The following MBOAT1 variants were observed in gnomAD, a reference collection of about 807,000 sequenced individuals.
MBOAT1 encodes membrane bound glycerophospholipid O-acyltransferase 1, also known as membrane-bound glycerophospholipid O-acyltransferase 1.
A neutral mutation model predicts 64.4 loss-of-function variants in MBOAT1; 67 were observed. The observed-to-expected ratio is 1.04, with a 90% confidence interval of 0.85 to 1.27. The LOEUF is 1.27. Among genes scored for constraint, MBOAT1 ranks in the 50% most tolerant of loss-of-function variants. MBOAT1 has a pLI of 0.00. For missense variants in MBOAT1, 563 were observed against 604.6 expected, an observed-to-expected ratio of 0.93 and a Z score of 0.72; for synonymous variants, 229 against 218.9, an observed-to-expected ratio of 1.05 and a Z score of -0.41.
chr6:20,124,532 G>A lies in MBOAT1; in HGVS notation c.783C>T (p.Thr261=). ...CATCCACAAGGCAGGTGACAGGAAAGGTCTTCGTTAGCGTCAAAAACAAAA... is the reference window on the plus strand; with the variant it reads ...CATCCACAAGGCAGGTGACAGGAAAAGTCTTCGTTAGCGTCAAAAACAAAA... The part of the protein sequence containing the change: ...SLLLFLTLTK[T]FPVTCLVDDW... Residue 261 remains threonine (T), a synonymous_variant, in exon 8 of 13, where the codon ACC becomes ACT. Coordinates refer to ENST00000324607, the MANE Select transcript of MBOAT1 (RefSeq NM_001080480.3). 1.2e-6 allele frequency: 2 copies of A among 1,614,218 alleles called. No homozygotes were observed. Among genetic ancestry groups the A allele is most frequent in the South Asian group, 2.2e-5 (2 of 91,080 alleles).
intron 1 of MBOAT1, among the ~76,000 whole-genome samples, chr6:20,175,453 A>ATTTATTT (rs1361703897): frequency 2.0e-5 from 3 of 150,664 alleles, no homozygotes; most frequent in African/African-American, 4.9e-5. Context: ...TTATTTATTT[A>ATTTATTT]TTTATTTTTT....
chr6:20,211,304 G>A (rs1425787039), intron 1 of MBOAT1, among the ~76,000 whole-genome samples: 4 of 152,124 alleles, frequency 2.6e-5, no homozygotes, highest in Non-Finnish European at 1.5e-5. Context: ...AGCGCAGTGG[G>A]TCCTCCCCCA....
Position 20,180,072 on chromosome 6 carries a change from A to G in MBOAT1, c.100-27303T>C, listed in dbSNP as rs752098141. Among the ~76,000 whole-genome samples, 4 of 152,286 alleles carry G rather than the reference A, an allele frequency of 2.6e-5. No homozygotes were observed. In the South Asian group the frequency reaches 8.3e-4, roughly 32 times the overall value. On this transcript the variant is annotated intron_variant, in intron 1 of 12. Coordinates refer to ENST00000324607, the MANE Select transcript of MBOAT1 (RefSeq NM_001080480.3). ...CCGGGGGTTGGATTAAAGAAATAAAACAATAGTAATTTCCCCACAAGAACC... is the reference window on the plus strand; with the variant it reads ...CCGGGGGTTGGATTAAAGAAATAAAGCAATAGTAATTTCCCCACAAGAACC...
intron 12 of MBOAT1, among the ~76,000 whole-genome samples, chr6:20,106,229 T>C (rs907531114): frequency 2.6e-5 from 4 of 152,214 alleles, no homozygotes; most frequent in Non-Finnish European, 5.9e-5. Flanking sequence ...ATGAAAACAC[T>C]GTTTGAGGTG....
rs538006163 is a variant in MBOAT1 at position 20,187,254 on chromosome 6, G to C, written c.99+24882C>G. 4.6e-4 allele frequency among the ~76,000 whole-genome samples: 70 copies of C among 152,322 alleles called. No individual in the cohort carries two copies. The Middle Eastern group carries it at 0.01, about 22-fold the overall frequency. ...CCATCTTGGAAAGAGCAGGGACTTTGGTGCCAATCAGTTTTGCCTTGGGCA... is the reference window on the plus strand; with the variant it reads ...CCATCTTGGAAAGAGCAGGGACTTTCGTGCCAATCAGTTTTGCCTTGGGCA... On this transcript the variant is annotated intron_variant, in intron 1 of 12. Transcript: ENST00000324607.
In MBOAT1 at chr6:20,174,494, G is replaced by A. The variant is rs539734904; in HGVS notation, c.100-21725C>T. ...TAATACAGCAGAAAAAATGTATAATGGTACACCTGTCCAGGGCATTTACCA... is the reference window on the plus strand; with the variant it reads ...TAATACAGCAGAAAAAATGTATAATAGTACACCTGTCCAGGGCATTTACCA... On this transcript the variant is annotated intron_variant, in intron 1 of 12. Coordinates refer to ENST00000324607, the MANE Select transcript of MBOAT1 (RefSeq NM_001080480.3). Among the ~76,000 whole-genome samples, 8 of 152,250 alleles carry A rather than the reference G, an allele frequency of 5.3e-5. No homozygotes were observed. In the South Asian group the frequency reaches 8.3e-4, roughly 16 times the overall value.
chr6:20,109,901 A>AGTTT (rs756853889), intron 11 of MBOAT1, 152 bp from the exon 12 acceptor site: 1 of 296,680 alleles, frequency 3.4e-6, no homozygotes. Context: ...TACCATCAGG[A>AGTTT]CTTTTTTTTT....
At chr6:20,152,866 T>C in intron 1 of MBOAT1, 97 bp from the exon 2 acceptor site, 7 of 1,372,112 alleles carry the variant, frequency 5.1e-6, no homozygotes, top group Non-Finnish European at 6.9e-6. Context: ...GGAGTCTCGT[T>C]CTGTCGCCCA....
intron 8 of MBOAT1, among the ~76,000 whole-genome samples, chr6:20,124,046 G>C (rs911089598): frequency 1.3e-5 from 2 of 152,044 alleles, no homozygotes; most frequent in East Asian, 1.9e-4. Flanking sequence ...GACAGAGTGA[G>C]ACTCCATGTC....
intron 3 of MBOAT1, among the ~76,000 whole-genome samples, chr6:20,145,919 C>T (rs1761312661): frequency 6.6e-6 from 1 of 152,210 alleles, no homozygotes; most frequent in Non-Finnish European, 1.5e-5. Flanking sequence ...ATCCCCAGCA[C>T]AATTCATTGC....
chr6:20,148,726 A>T (rs985485348), intron 3 of MBOAT1, among the ~76,000 whole-genome samples: 3 of 152,108 alleles, frequency 2.0e-5, no homozygotes, highest in Non-Finnish European at 2.9e-5. Flanking sequence ...TTGAGATTTT[A>T]AAAAAATTTA....
intron 1 of MBOAT1, among the ~76,000 whole-genome samples, chr6:20,209,448 TG>T (rs143792361): frequency 0.015 from 2,346 of 152,232 alleles, 67 homozygotes; most frequent in African/African-American, 0.053. Flanking sequence ...AAGAATCAGA[TG>T]AAAAAGAATG....
intron 8 of MBOAT1, among the ~76,000 whole-genome samples, chr6:20,124,056 C>CA (rs976194520): frequency 4.5e-4 from 68 of 150,448 alleles, no homozygotes; most frequent in Non-Finnish European, 7.3e-4. Context: ...GACTCCATGT[C>CA]AAAAAAAAAG....
intron 11 of MBOAT1, among the ~76,000 whole-genome samples, chr6:20,110,283 G>A (rs1477281847): frequency 6.7e-6 from 1 of 149,170 alleles, no homozygotes; most frequent in Non-Finnish European, 1.5e-5. Flanking sequence ...TGCAATCATA[G>A]CTCACTGCAG....
At chr6:20,182,824 C>T (rs914222752) in intron 1 of MBOAT1, among the ~76,000 whole-genome samples, 3 of 152,200 alleles carry the variant, frequency 2.0e-5, no homozygotes, top group African/African-American at 7.2e-5. Context: ...AAGTTGATAT[C>T]TGGAACTCTG....
At chr6:20,164,098 T>C (rs1011981850) in intron 1 of MBOAT1, among the ~76,000 whole-genome samples, 11 of 151,598 alleles carry the variant, frequency 7.3e-5, no homozygotes, top group African/African-American at 2.2e-4. Flanking sequence ...TATACTTATG[T>C]TTACTATATA....
At chr6:20,131,045 A>C in intron 5 of MBOAT1, 99 bp downstream of exon 5, 1 of 1,036,040 alleles carries the variant, frequency 9.7e-7, no homozygotes, top group East Asian at 2.4e-5. Context: ...AAGATCTGCC[A>C]GCATTTGTCT....
intron 4 of MBOAT1, among the ~76,000 whole-genome samples, chr6:20,132,933 C>T (rs1303693692): frequency 6.6e-6 from 1 of 152,210 alleles, no homozygotes; most frequent in Non-Finnish European, 1.5e-5. Context: ...CTCTGTGAGT[C>T]TATTTTCTTG....
In MBOAT1 at chr6:20,115,276, T is replaced by C; in HGVS notation, c.1076+12A>G. 6.2e-7 allele frequency: 1 copy of C among 1,609,868 alleles called. No homozygotes were observed. Among genetic ancestry groups the C allele is most frequent in the Non-Finnish European group, 8.5e-7 (1 of 1,176,070 alleles). On this transcript the variant is annotated intron_variant, in intron 10 of 12. Coordinates refer to ENST00000324607, the MANE Select transcript of MBOAT1 (RefSeq NM_001080480.3). ...GTGCCCTAAGTAATGAGGTCGTTTTTGTTTTTCTTACCACTTTAGCCAAGT... is the reference window on the plus strand; with the variant it reads ...GTGCCCTAAGTAATGAGGTCGTTTTCGTTTTTCTTACCACTTTAGCCAAGT...
Sources: gnomAD v4.1 joint callset for allele counts (sites outside exome capture counted in the v4.1 genomes callset) on GRCh38, gnomAD v4.1.1 for gene constraint, MANE v1.5 for transcripts, NCBI Gene and HGNC (gene_info 2026-07-23, HGNC 2026-07-21) for gene names.